The following STXBP5L variants were observed in gnomAD, a reference collection of about 807,000 sequenced individuals.
The protein encoded by STXBP5L is syntaxin binding protein 5L, also known as syntaxin-binding protein 5-like.
STXBP5L carries 65 observed loss-of-function variants against 144.5 expected under a neutral mutation model. The observed-to-expected ratio is 0.45, with a 90% CI of 0.37 to 0.55. The LOEUF is 0.55. STXBP5L is among the 20% of genes least tolerant of loss of function. The pLI is 0.00. For synonymous variants in STXBP5L, 505 were observed against 469.6 expected, an observed-to-expected ratio of 1.08 and a Z score of -0.97; for missense variants, 1,298 against 1,405.5, an observed-to-expected ratio of 0.92 and a Z score of 1.22.
At position 121,255,024 on chromosome 3, in the gene STXBP5L, C is replaced by T; in HGVS notation, c.1571C>T (p.Pro524Leu). The T allele has an allele frequency of 6.2e-7, 1 of 1,613,466 alleles. No homozygotes were observed. ...PFAIQMIYWC[P>L]ESRIFCVSGV... Reference sequence around the variant, plus strand: ...GCCATTCAGATGATTTACTGGTGTCCAGAGAGCAGAATATTCTGTGTATCA... The same window carrying T: ...GCCATTCAGATGATTTACTGGTGTCTAGAGAGCAGAATATTCTGTGTATCA... The change falls in exon 16 of 27, where the codon CCA becomes CTA. Residue 524 changes from proline (P) to leucine (L), a missense_variant. Pro to Leu is a moderately conservative substitution (Grantham distance 98, BLOSUM62 -3). Transcript: ENST00000471454.
chr3:121,055,551 C>A (rs1471606450), intron 5 of STXBP5L, among the ~76,000 whole-genome samples: 3 of 151,986 alleles, frequency 2.0e-5, no homozygotes, highest in Non-Finnish European at 4.4e-5. Flanking sequence ...TGCTCTGTCT[C>A]CCAGGCTGGA....
intron 3 of STXBP5L, among the ~76,000 whole-genome samples, chr3:120,994,096 T>C (rs572961799): frequency 7.2e-5 from 11 of 152,214 alleles, no homozygotes; most frequent in Non-Finnish European, 1.5e-4. Context: ...AGCTTTTTCA[T>C]AATTGATGTA....
At chr3:121,008,104 A>G (rs1387390734) in intron 3 of STXBP5L, among the ~76,000 whole-genome samples, 1 of 151,826 alleles carries the variant, frequency 6.6e-6, no homozygotes, top group African/African-American at 2.4e-5. Context: ...GGGTTTATGT[A>G]GGCCTTTTCT....
chr3:121,132,735 A>C (rs2045052275), intron 7 of STXBP5L, among the ~76,000 whole-genome samples: 1 of 152,220 alleles, frequency 6.6e-6, no homozygotes. Context: ...AGACTCACTG[A>C]GGTCAATAAT....
intron 20 of STXBP5L, among the ~76,000 whole-genome samples, chr3:121,358,416 G>T (rs779383570): frequency 6.6e-6 from 1 of 152,146 alleles, no homozygotes; most frequent in Non-Finnish European, 1.5e-5. Flanking sequence ...TTATACTCAT[G>T]GTGGACAGTG....
intron 3 of STXBP5L, among the ~76,000 whole-genome samples, 186 bp from the exon 4 acceptor site, chr3:121,041,514 G>T (rs902144298): frequency 1.3e-5 from 2 of 151,868 alleles, no homozygotes; most frequent in African/African-American, 4.8e-5. Flanking sequence ...TTTTCAAATT[G>T]TTGGAGTATT....
chr3:120,965,900 C>A (rs1186769666), intron 3 of STXBP5L, among the ~76,000 whole-genome samples: 2 of 152,200 alleles, frequency 1.3e-5, no homozygotes, highest in Non-Finnish European at 2.9e-5. Flanking sequence ...CTCCCCATCA[C>A]TTTCAGATAC....
At position 121,042,543 on chromosome 3, in the gene STXBP5L, T is replaced by A. The variant is rs115204302; in HGVS notation, c.369+762T>A. On this transcript the variant is annotated intron_variant, in intron 4 of 26. Transcript: ENST00000471454. ...CACTTAGAAGATTGAACTCAGTGTCTCGGAAAAAAATGTTTGGTTATTTTC... is the reference window on the plus strand; with the variant it reads ...CACTTAGAAGATTGAACTCAGTGTCACGGAAAAAAATGTTTGGTTATTTTC... Among the ~76,000 whole-genome samples the A allele has an allele frequency of 8.2e-3, 1,250 of 152,252 alleles. 22 individuals carry two copies. The highest frequency in any genetic ancestry group is 0.028 in the African/African-American group (1,169 of 41,560).
intron 9 of STXBP5L, among the ~76,000 whole-genome samples, chr3:121,164,448 G>T (rs2046431313): frequency 6.6e-6 from 1 of 152,030 alleles, no homozygotes; most frequent in African/African-American, 2.4e-5. Flanking sequence ...ATGTAGATTG[G>T]TACAGTCATT....
At chr3:121,371,213 G>A (rs1423971099) in intron 20 of STXBP5L, among the ~76,000 whole-genome samples, 1 of 152,126 alleles carries the variant, frequency 6.6e-6, no homozygotes, top group African/African-American at 2.4e-5. Flanking sequence ...TGACCTTGGG[G>A]GTTTGATTGT....
chr3:121,230,705 C>G (rs566211428), intron 11 of STXBP5L, among the ~76,000 whole-genome samples: 1 of 152,296 alleles, frequency 6.6e-6, no homozygotes, highest in African/African-American at 2.4e-5. Context: ...CAGCCAGATA[C>G]AAATAATGAT....
chr3:121,192,500 G>A (rs576416157), intron 9 of STXBP5L, among the ~76,000 whole-genome samples: 2 of 152,220 alleles, frequency 1.3e-5, no homozygotes, highest in South Asian at 4.2e-4. Context: ...CCAAAAAAGA[G>A]CCCACATTAC....
intron 19 of STXBP5L, among the ~76,000 whole-genome samples, chr3:121,296,642 T>C (rs1475537869): frequency 1.3e-5 from 2 of 152,190 alleles, no homozygotes; most frequent in Admixed American, 6.5e-5. Context: ...GCTGCTTCCA[T>C]ACCTGGGGCT....
At chr3:120,941,803 A>G (rs1015421923) in intron 2 of STXBP5L, among the ~76,000 whole-genome samples, 6 of 151,754 alleles carry the variant, frequency 4.0e-5, no homozygotes, top group African/African-American at 1.4e-4. Flanking sequence ...AAAGGAGTTT[A>G]GAACTTATTT....
chr3:121,197,089 G>T (rs924268984), intron 9 of STXBP5L, among the ~76,000 whole-genome samples: 1 of 151,946 alleles, frequency 6.6e-6, no homozygotes, highest in African/African-American at 2.4e-5. Context: ...TTTTTAGTAT[G>T]TTATATCTTC....
intron 22 of STXBP5L, among the ~76,000 whole-genome samples, chr3:121,381,741 C>T (rs930416510): frequency 5.3e-5 from 8 of 152,022 alleles, no homozygotes; most frequent in East Asian, 1.9e-4. Context: ...ACCATTTCTT[C>T]GGTAGTAAAC....
At chr3:121,112,458 G>C (rs2044031403) in intron 5 of STXBP5L, among the ~76,000 whole-genome samples, 1 of 152,014 alleles carries the variant, frequency 6.6e-6, no homozygotes, top group South Asian at 2.1e-4. Context: ...GGCTCTCTGT[G>C]GGTTGTGCCA....
intron 3 of STXBP5L, among the ~76,000 whole-genome samples, chr3:121,029,879 A>T (rs1009705209): frequency 6.6e-6 from 1 of 152,166 alleles, no homozygotes; most frequent in African/African-American, 2.4e-5. Flanking sequence ...ATATGAACAG[A>T]GACTTCTCAA....
At chr3:121,253,708 A>C (rs1173111451) in intron 15 of STXBP5L, among the ~76,000 whole-genome samples, 1 of 150,084 alleles carries the variant, frequency 6.7e-6, no homozygotes, top group Non-Finnish European at 1.5e-5. Flanking sequence ...GGCTCACTGC[A>C]AGCTCCGCCC....
Sources: gnomAD v4.1 joint callset for allele counts (sites outside exome capture counted in the v4.1 genomes callset) on GRCh38, gnomAD v4.1.1 for gene constraint, MANE v1.5 for transcripts, NCBI Gene and HGNC (gene_info 2026-07-23, HGNC 2026-07-21) for gene names.